Variants in TMEM117 observed in about 807,000 individuals in gnomAD.
The protein encoded by TMEM117 is transmembrane protein 117.
A neutral mutation model predicts 52.4 loss-of-function variants in TMEM117; 27 were observed. The observed-to-expected ratio is 0.51, with a 90% CI of 0.38 to 0.71. The LOEUF is 0.71. Ranked by LOEUF, TMEM117 falls within the 30% of genes least tolerant of loss-of-function variation. The probability of loss-of-function intolerance (pLI) is 0.00; values close to 1 mark genes in which losing one functional copy is unlikely to be tolerated. For missense variants in TMEM117, 556 were observed against 630.5 expected (o/e 0.88, Z 1.26); for synonymous variants, 215 against 206.3 (o/e 1.04, Z -0.36).
At chr12:44,228,538 T>C (rs1949892285) in intron 5 of TMEM117, among the ~76,000 whole-genome samples, 1 of 152,076 alleles carries the variant, frequency 6.6e-6, no homozygotes. Flanking sequence ...ATAAATCCCA[T>C]AATGGCATAT....
intron 3 of TMEM117, among the ~76,000 whole-genome samples, chr12:44,034,260 A>G (rs1946677879): frequency 6.6e-6 from 1 of 152,208 alleles, no homozygotes; most frequent in African/African-American, 2.4e-5. Flanking sequence ...CTTTTATATT[A>G]GTAGCCAAGA....
intron 2 of TMEM117, among the ~76,000 whole-genome samples, chr12:43,868,777 T>C (rs1403761807): frequency 1.3e-5 from 2 of 152,172 alleles, no homozygotes; most frequent in East Asian, 3.9e-4. Context: ...CTGTTTTTAT[T>C]GTAAGGGGTT....
chr12:44,044,082 A>G (rs1946843746), intron 3 of TMEM117, among the ~76,000 whole-genome samples: 1 of 152,210 alleles, frequency 6.6e-6, no homozygotes, highest in African/African-American at 2.4e-5. Context: ...GGTGGAGTGG[A>G]TTAATCACTT....
chr12:44,218,597 T>C (rs1303777841), intron 5 of TMEM117, among the ~76,000 whole-genome samples: 2 of 152,176 alleles, frequency 1.3e-5, no homozygotes, highest in Non-Finnish European at 2.9e-5. Flanking sequence ...CCCCACTTCT[T>C]TTCAACATAG....
chr12:44,256,127 A>T (rs1179875746), intron 5 of TMEM117, among the ~76,000 whole-genome samples: 1 of 151,902 alleles, frequency 6.6e-6, no homozygotes, highest in East Asian at 1.9e-4. Context: ...AATAAACATA[A>T]ACACATATGT....
At position 43,843,531 on chromosome 12, in the gene TMEM117, A is replaced by G. The variant is rs60885283; in HGVS notation, c.-28-1093A>G. On this transcript the variant is annotated intron_variant, in intron 1 of 7. Transcript: ENST00000266534. ...TGAACATTTTCATTTTAAGACAGCTATGTACTTCCAGTGCACATATTCAGG... is the reference window on the plus strand; with the variant it reads ...TGAACATTTTCATTTTAAGACAGCTGTGTACTTCCAGTGCACATATTCAGG... Among the ~76,000 whole-genome samples, 1,378 of 152,280 alleles carry G rather than the reference A, an allele frequency of 9.0e-3. 67 individuals are homozygous for G. In the East Asian group the frequency reaches 0.16, roughly 18 times the overall value.
chr12:43,932,413 A>G (rs1249885672), intron 2 of TMEM117, among the ~76,000 whole-genome samples: 1 of 151,182 alleles, frequency 6.6e-6, no homozygotes, highest in Non-Finnish European at 1.5e-5. Context: ...GGTGATCACC[A>G]AAGTGATTCC....
At chr12:44,368,462 A>C (rs950815096) in intron 6 of TMEM117, among the ~76,000 whole-genome samples, 4 of 152,180 alleles carry the variant, frequency 2.6e-5, no homozygotes, top group African/African-American at 7.2e-5. Context: ...CATTATTTGT[A>C]AAGTGAATAT....
intron 2 of TMEM117, among the ~76,000 whole-genome samples, chr12:43,896,594 A>G (rs1236939709): frequency 2.7e-5 from 4 of 150,652 alleles, no homozygotes; most frequent in South Asian, 2.1e-4. Flanking sequence ...TCATTGTAAC[A>G]GTCACTTCTA....
intron 3 of TMEM117, among the ~76,000 whole-genome samples, chr12:44,131,243 T>G (rs1948408878): frequency 1.3e-5 from 2 of 152,158 alleles, no homozygotes; most frequent in African/African-American, 2.4e-5. Flanking sequence ...GAGGTTTCTA[T>G]TTTGACTCCT....
At chr12:44,319,991 C>T (rs2138696630) in intron 6 of TMEM117, among the ~76,000 whole-genome samples, 1 of 152,148 alleles carries the variant, frequency 6.6e-6, no homozygotes, top group East Asian at 1.9e-4. Context: ...AACAGCCTCC[C>T]AATAGGCTAG....
chr12:43,981,913 T>C (rs1488327766), intron 3 of TMEM117, among the ~76,000 whole-genome samples: 1 of 151,948 alleles, frequency 6.6e-6, no homozygotes, highest in Admixed American at 6.6e-5. Flanking sequence ...TACAATTAGA[T>C]AGGAGGAGTA....
intron 6 of TMEM117, among the ~76,000 whole-genome samples, chr12:44,357,505 G>A (rs564447508): frequency 5.6e-4 from 86 of 152,242 alleles, no homozygotes; most frequent in Middle Eastern, 3.4e-3. Flanking sequence ...GGAACTACAA[G>A]TGGATAGAGT....
At chr12:44,044,958 CAAAG>C (rs559812514) in intron 3 of TMEM117, among the ~76,000 whole-genome samples, 184 of 152,228 alleles carry the variant, frequency 1.2e-3, no homozygotes, top group African/African-American at 4.3e-3. Flanking sequence ...AAATTGGTGA[CAAAG>C]AAATTTGGGG....
At chr12:44,062,122 A>G (rs949796038) in intron 3 of TMEM117, among the ~76,000 whole-genome samples, 6 of 152,220 alleles carry the variant, frequency 3.9e-5, no homozygotes, top group African/African-American at 9.6e-5. Context: ...CCTAAGATTT[A>G]AAGAAGGCAA....
intron 7 of TMEM117, among the ~76,000 whole-genome samples, chr12:44,379,088 C>A (rs1951982599): frequency 6.7e-6 from 1 of 150,222 alleles, no homozygotes; most frequent in Non-Finnish European, 1.5e-5. Context: ...GTTTGAGACA[C>A]CCTGGGCAAC....
intron 6 of TMEM117, among the ~76,000 whole-genome samples, chr12:44,370,163 C>T (rs1951842831): frequency 6.6e-6 from 1 of 152,204 alleles, no homozygotes; most frequent in Non-Finnish European, 1.5e-5. Context: ...TTTGTATTTA[C>T]ATGATGACTA....
chr12:44,132,997 G>C (rs899548609), intron 3 of TMEM117, among the ~76,000 whole-genome samples: 1 of 152,230 alleles, frequency 6.6e-6, no homozygotes, highest in African/African-American at 2.4e-5. Flanking sequence ...ACAAGAACAA[G>C]TAAAAGTGAA....
At chr12:44,265,230 T>C (rs1950363546) in intron 5 of TMEM117, among the ~76,000 whole-genome samples, 1 of 152,168 alleles carries the variant, frequency 6.6e-6, no homozygotes, top group South Asian at 2.1e-4. Flanking sequence ...GAAAGGAGGC[T>C]GTTATGATCC....
Sources: allele counts gnomAD v4.1 joint callset (sites outside exome capture counted in the v4.1 genomes callset), GRCh38; gene constraint gnomAD v4.1.1; transcripts MANE v1.5; gene names NCBI Gene and HGNC (gene_info 2026-07-23, HGNC 2026-07-21).